The following PDE1C variants were observed in gnomAD, a reference collection of about 807,000 sequenced individuals.
PDE1C encodes phosphodiesterase 1C.
A neutral mutation model predicts 93.1 loss-of-function variants in PDE1C; 62 were observed. The ratio of observed to expected loss-of-function variants is 0.67; its 90% confidence interval spans 0.54 to 0.82. The LOEUF is 0.82. Ranked by LOEUF, PDE1C falls within the 40% of genes least tolerant of loss-of-function variation. The pLI is 0.00. For synonymous variants in PDE1C, 325 were observed against 310.1 expected, an observed-to-expected ratio of 1.05 and a Z score of -0.50; for missense variants, 742 against 884.6, an observed-to-expected ratio of 0.84 and a Z score of 2.04.
At chr7:31,847,390 T>C (rs554088495) in intron 9 of PDE1C, among the ~76,000 whole-genome samples, 1 of 152,108 alleles carries the variant, frequency 6.6e-6, no homozygotes, top group Non-Finnish European at 1.5e-5. Context: ...GAATTAAGTG[T>C]ACATAATTTT....
chr7:31,833,303 G>A (rs938218054), intron 11 of PDE1C, among the ~76,000 whole-genome samples: 2 of 152,106 alleles, frequency 1.3e-5, no homozygotes, highest in South Asian at 2.1e-4. Context: ...ACCCAGTCTT[G>A]GGTATTCTTT....
intron 2 of PDE1C, among the ~76,000 whole-genome samples, chr7:32,206,091 C>T (rs73106518): frequency 0.34 from 51,775 of 151,870 alleles, 9,422 homozygotes; most frequent in Admixed American, 0.46. Flanking sequence ...ACCTGCTCAA[C>T]GCGGCACAGA....
At chr7:31,655,071 C>T in the PDE1C span, among the ~76,000 whole-genome samples, 1 of 152,172 alleles carries the variant, frequency 6.6e-6, no homozygotes, top group Non-Finnish European at 1.5e-5. Context: ...GCATCTATGA[C>T]CCTGATTCCC....
intron 3 of PDE1C, among the ~76,000 whole-genome samples, chr7:32,157,297 A>G (rs180735968): frequency 1.6e-4 from 24 of 152,334 alleles, no homozygotes; most frequent in African/African-American, 5.8e-4. Flanking sequence ...ATAATTAACA[A>G]TAACATATTG....
At chr7:31,877,681 C>A (rs985151578) in intron 5 of PDE1C, among the ~76,000 whole-genome samples, 1 of 146,368 alleles carries the variant, frequency 6.8e-6, no homozygotes, top group Non-Finnish European at 1.5e-5. Flanking sequence ...TCTCGTATGG[C>A]AAAATCAGAT....
chr7:31,695,606 C>G, the PDE1C span: 1 of 1,612,780 alleles, frequency 6.2e-7, no homozygotes, highest in Non-Finnish European at 8.5e-7. Flanking sequence ...GCTGCACATC[C>G]CACCTTTCAT....
intron 15 of PDE1C, among the ~76,000 whole-genome samples, chr7:31,814,112 ATTTC>A (rs140402633): frequency 0.016 from 2,488 of 151,202 alleles, 26 homozygotes; most frequent in African/African-American, 0.028. Context: ...ATATATCACA[ATTTC>A]TTTATCCATT....
chr7:32,365,303 G>A (rs1434928863), intron 1 of PDE1C, among the ~76,000 whole-genome samples: 2 of 152,112 alleles, frequency 1.3e-5, no homozygotes, highest in Non-Finnish European at 2.9e-5. Context: ...TCCTGTACCT[G>A]AGTAGCAGCC....
chr7:32,375,411 G>A (rs890600961), intron 1 of PDE1C, among the ~76,000 whole-genome samples: 1 of 152,160 alleles, frequency 6.6e-6, no homozygotes, highest in Non-Finnish European at 1.5e-5. Flanking sequence ...GCATGATATA[G>A]GACAGTGGTT....
intron 1 of PDE1C, among the ~76,000 whole-genome samples, chr7:32,252,259 T>C (rs1478327822): frequency 6.6e-6 from 1 of 152,220 alleles, no homozygotes; most frequent in African/African-American, 2.4e-5. Flanking sequence ...CCATCTGCTC[T>C]GTGCCCAGCA....
At chr7:32,263,682 G>A (rs1810380114) in intron 1 of PDE1C, among the ~76,000 whole-genome samples, 1 of 152,094 alleles carries the variant, frequency 6.6e-6, no homozygotes. Flanking sequence ...TTAGCCCTAT[G>A]TAATCAGGAG....
intron 1 of PDE1C, among the ~76,000 whole-genome samples, chr7:32,414,422 T>G (rs1199940792): frequency 6.6e-6 from 1 of 152,272 alleles, no homozygotes; most frequent in South Asian, 2.1e-4. Context: ...ATACAGTATG[T>G]GTATATGTGC....
At chr7:32,094,676 G>T (rs1797655701) in intron 3 of PDE1C, among the ~76,000 whole-genome samples, 1 of 152,160 alleles carries the variant, frequency 6.6e-6, no homozygotes, top group Non-Finnish European at 1.5e-5. Flanking sequence ...TCTCCCTAAG[G>T]AAGAGTCCAG....
the PDE1C span, among the ~76,000 whole-genome samples, chr7:31,622,637 T>G: frequency 6.6e-6 from 1 of 151,978 alleles, no homozygotes; most frequent in Non-Finnish European, 1.5e-5. Context: ...TAGCACTAAA[T>G]GCCCACAAGA....
chr7:32,259,900 A>G (rs1324353804), intron 1 of PDE1C, among the ~76,000 whole-genome samples: 1 of 150,688 alleles, frequency 6.6e-6, no homozygotes, highest in Non-Finnish European at 1.5e-5. Flanking sequence ...GAACCCATCA[A>G]GTGACATGAG....
At position 32,264,440 on chromosome 7, in the gene PDE1C, G is replaced by A. The variant is rs138884328; in HGVS notation, c.85+34211C>T. 7.5e-4 allele frequency among the ~76,000 whole-genome samples: 114 copies of A among 152,226 alleles called. 1 individual carries two copies. Among genetic ancestry groups the A allele is most frequent in the African/African-American group, 2.6e-3 (108 of 41,540 alleles). ...GCTCAGAGTCACACATCTACCAAGC[G>A]ACTACACCGAAATGTAAACCTAGTT... On this transcript the variant is annotated intron_variant, in intron 1 of 18. Transcript: ENST00000396193.
At position 32,420,124 on chromosome 7, in the gene PDE1C, TACACACACAC is replaced by T. The variant is rs1156625491; in HGVS notation, c.310+7688_310+7697del. On this transcript the variant is annotated intron_variant, in intron 1 of 1. Coordinates refer to the PDE1C transcript ENST00000672256. ...ATATATATATATATATATATATATATACACACACACACACACACACACACACACACACACA... is the reference window on the plus strand; with the variant it reads ...ATATATATATATATATATATATATATACACACACACACACACACACACACA... 8.1e-3 allele frequency among the ~76,000 whole-genome samples: 106 copies of T among 13,078 alleles called. 12 individuals are homozygous for T. The highest frequency in any genetic ancestry group is 0.016 in the South Asian group (5 of 322). The allele number at this position is 13,078 out of a possible 152,430, so 8.6% of individuals were successfully genotyped here. A position where few individuals can be genotyped will look rare whatever the true frequency, so the allele number is the denominator to read the frequency against.
At chr7:31,682,365 T>C in the PDE1C span, among the ~76,000 whole-genome samples, 4 of 152,204 alleles carry the variant, frequency 2.6e-5, no homozygotes, top group Non-Finnish European at 5.9e-5. Context: ...CAAATAAGTA[T>C]ATGAAAACAT....
chr7:32,409,218 G>A, intron 1 of PDE1C, among the ~76,000 whole-genome samples: 1 of 151,816 alleles, frequency 6.6e-6, no homozygotes, highest in East Asian at 1.9e-4. Context: ...AAATTAGGCT[G>A]GGCATGGTGG....
Sources: allele counts gnomAD v4.1 joint callset (sites outside exome capture counted in the v4.1 genomes callset), GRCh38; gene constraint gnomAD v4.1.1; transcripts MANE v1.5; gene names NCBI Gene and HGNC (gene_info 2026-07-23, HGNC 2026-07-21).